The following NEMP2 variants were observed in gnomAD, a reference collection of about 807,000 sequenced individuals.
NEMP2 encodes the protein nuclear envelope integral membrane protein 2.
A neutral mutation model predicts 54.2 loss-of-function variants in NEMP2; 53 were observed. The observed-to-expected ratio is 0.98, with a 90% CI of 0.78 to 1.23. The LOEUF (loss-of-function observed/expected upper bound fraction) is 1.23. Ranked by LOEUF, NEMP2 falls within the 50% of genes most tolerant of loss-of-function variation. The probability of loss-of-function intolerance (pLI) is 0.00; values close to 1 mark genes in which losing one functional copy is unlikely to be tolerated. For missense variants in NEMP2, 455 were observed against 511.3 expected, an observed-to-expected ratio of 0.89 and a Z score of 1.06; for synonymous variants, 197 against 190.3, an observed-to-expected ratio of 1.04 and a Z score of -0.29.
the NEMP2 span, among the ~76,000 whole-genome samples, chr2:190,560,990 G>T: frequency 6.6e-6 from 1 of 152,188 alleles, no homozygotes. This position sits in a 1 kb window ranked among gnomAD's most constrained non-coding sequence, Gnocchi z 5.4. Context: ...AATACTCAGA[G>T]AATTTATACA....
the NEMP2 span, among the ~76,000 whole-genome samples, chr2:190,474,281 G>A: frequency 6.6e-6 from 1 of 152,232 alleles, no homozygotes; most frequent in South Asian, 2.1e-4. Context: ...CCAGGAGCTG[G>A]TTTTTTGAAA....
chr2:190,612,281 G>A, the NEMP2 span, among the ~76,000 whole-genome samples: 4 of 150,538 alleles, frequency 2.7e-5, no homozygotes, highest in Non-Finnish European at 5.9e-5. Context: ...TCAGCTTCCT[G>A]AGTAGTTGGG....
At chr2:190,448,180 T>C in the NEMP2 span, among the ~76,000 whole-genome samples, 35,128 of 152,158 alleles carry the variant, frequency 0.23, 4,975 homozygotes, top group South Asian at 0.33. Context: ...AAGTGTATGG[T>C]AGACAAGAGT....
rs754618021 is a variant in NEMP2, at chr2:190,531,785, A to C, written c.97+2774T>G. 1.1e-4 allele frequency among the ~76,000 whole-genome samples: 16 copies of C among 152,190 alleles called. No individual in the cohort carries two copies. The highest frequency in any genetic ancestry group is 6.5e-5 in the Admixed American group (1 of 15,280). On this transcript the variant is annotated intron_variant, in intron 1 of 8. Transcript: ENST00000409150. This position sits in a 1 kb window ranked among gnomAD's most constrained non-coding sequence, Gnocchi z 4.7. ...AAATGTAAGTATATGTTTAAGTTAA[A>C]GAGTTGAGTCATATATACGGAAAAA... is the stretch of plus-strand genomic sequence containing the variant.
upstream of NEMP2, among the ~76,000 whole-genome samples, chr2:190,536,657 G>A (rs1021054581): frequency 6.6e-6 from 1 of 152,178 alleles, no homozygotes; most frequent in Admixed American, 6.5e-5. Context: ...AGGAAAAAGA[G>A]TGGGGAGAGA....
the NEMP2 span, among the ~76,000 whole-genome samples, chr2:190,467,567 C>T: frequency 1.3e-5 from 2 of 151,988 alleles, no homozygotes; most frequent in Admixed American, 6.6e-5. This position sits in a 1 kb window ranked among gnomAD's most constrained non-coding sequence, Gnocchi z 5.5. Flanking sequence ...GAGCCGAGAT[C>T]GTGCCACTGC....
At chr2:190,461,116 AT>A in the NEMP2 span, among the ~76,000 whole-genome samples, 1 of 152,242 alleles carries the variant, frequency 6.6e-6, no homozygotes, top group Non-Finnish European at 1.5e-5. This position sits in a 1 kb window ranked among gnomAD's most constrained non-coding sequence, Gnocchi z 5.5. Flanking sequence ...GAAAGGAATA[AT>A]TTAAATATGA....
chr2:190,624,622 T>A, the NEMP2 span: 2 of 151,954 alleles, frequency 1.3e-5, no homozygotes, highest in Non-Finnish European at 2.9e-5. Flanking sequence ...GGAATATTAT[T>A]CAGCCATAAA....
chr2:190,637,792 G>C, the NEMP2 span, among the ~76,000 whole-genome samples: 2 of 152,192 alleles, frequency 1.3e-5, no homozygotes, highest in Non-Finnish European at 2.9e-5. The surrounding 1 kb of genome is among the most constrained non-coding windows in gnomAD (Gnocchi z 4.5). Context: ...CCGCTTTCTA[G>C]ACCAGGAAAT....
At chr2:190,503,485 C>T (rs1384931163), downstream of NEMP2, among the ~76,000 whole-genome samples, 1 of 152,214 alleles carries the variant, frequency 6.6e-6, no homozygotes, top group Admixed American at 6.5e-5. The surrounding 1 kb of genome is among the most constrained non-coding windows in gnomAD (Gnocchi z 6.3). Flanking sequence ...CTGGACAGCA[C>T]GGGTATACAG....
At chr2:190,635,942 C>A in the NEMP2 span, among the ~76,000 whole-genome samples, 1 of 152,224 alleles carries the variant, frequency 6.6e-6, no homozygotes, top group Non-Finnish European at 1.5e-5. The surrounding 1 kb of genome is among the most constrained non-coding windows in gnomAD (Gnocchi z 4.1). Context: ...TTATAGCTCA[C>A]GGCAGCCTTG....
the NEMP2 span, among the ~76,000 whole-genome samples, chr2:190,584,903 GA>G: frequency 1.2e-4 from 1 of 8,368 alleles, no homozygotes; most frequent in Non-Finnish European, 3.1e-4. The surrounding 1 kb of genome is among the most constrained non-coding windows in gnomAD (Gnocchi z 4.2). Context: ...AACAATGAAA[GA>G]AAGAAAGAAA....
chr2:190,488,810 A>G, the NEMP2 span: 1 of 1,565,898 alleles, frequency 6.4e-7, no homozygotes, highest in Non-Finnish European at 8.6e-7. The surrounding 1 kb of genome is among the most constrained non-coding windows in gnomAD (Gnocchi z 6.4). Flanking sequence ...GTGTTAGTCA[A>G]TTATTTTGGT....
chr2:190,534,149 A>G, intron 1 of NEMP2: 1 of 1,000,318 alleles, frequency 1.0e-6, no homozygotes, highest in Non-Finnish European at 1.2e-6. Context: ...AGATAGTGAA[A>G]TAACAAGGAT....
At chr2:190,438,704 G>A in the NEMP2 span, among the ~76,000 whole-genome samples, 2 of 152,180 alleles carry the variant, frequency 1.3e-5, no homozygotes, top group South Asian at 4.1e-4. This position sits in a 1 kb window ranked among gnomAD's most constrained non-coding sequence, Gnocchi z 5.2. Context: ...TGAAGTTGCT[G>A]TAACTAAAAG....
downstream of NEMP2, among the ~76,000 whole-genome samples, chr2:190,502,704 A>G (rs372408074): frequency 3.3e-5 from 5 of 152,200 alleles, no homozygotes; most frequent in East Asian, 7.7e-4. The surrounding 1 kb of genome is among the most constrained non-coding windows in gnomAD (Gnocchi z 4.4). Flanking sequence ...TGAGGTACTG[A>G]GACCATTACT....
chr2:190,560,302 G>A, the NEMP2 span, among the ~76,000 whole-genome samples: 1 of 152,112 alleles, frequency 6.6e-6, no homozygotes, highest in Non-Finnish European at 1.5e-5. The surrounding 1 kb of genome is among the most constrained non-coding windows in gnomAD (Gnocchi z 5.4). Context: ...TGGTCTCCAG[G>A]CTGGTGTTCA....
the NEMP2 span, among the ~76,000 whole-genome samples, chr2:190,482,406 T>C: frequency 2.0e-5 from 3 of 152,170 alleles, no homozygotes; most frequent in Non-Finnish European, 2.9e-5. Context: ...TTCCTTTTTT[T>C]TTTTTTTTAA....
the NEMP2 span, among the ~76,000 whole-genome samples, chr2:190,618,581 C>CT: frequency 8.7e-3 from 1,319 of 152,092 alleles, 20 homozygotes; most frequent in African/African-American, 0.029. Flanking sequence ...CATTATCTAC[C>CT]TTTTTTTATT....
Sources: gnomAD v4.1 joint callset for allele counts (sites outside exome capture counted in the v4.1 genomes callset) on GRCh38, gnomAD v4.1.1 for gene constraint, Gnocchi (gnomAD v3.1) non-coding constraint, MANE v1.5 for transcripts, NCBI Gene and HGNC (gene_info 2026-07-23, HGNC 2026-07-21) for gene names.